MUC5AC: variants seen among roughly 807,000 people sequenced by gnomAD.
MUC5AC encodes mucin 5AC, oligomeric mucus/gel-forming, also known as mucin-5AC.
In MUC5AC, 158 loss-of-function variants were observed where a neutral mutation model predicts 169.7. The ratio of observed to expected loss-of-function variants is 0.93; its 90% CI spans 0.82 to 1.06. MUC5AC has a LOEUF of 1.06. Among genes scored for constraint, MUC5AC ranks in the 50% least tolerant of loss-of-function variants. The probability of loss-of-function intolerance (pLI) is 0.00; values close to 1 mark genes in which losing one functional copy is unlikely to be tolerated. For synonymous variants in MUC5AC, 1,975 were observed against 1,237.0 expected, an observed-to-expected ratio of 1.60 and a Z score of -12.52; for missense variants, 4,359 against 3,089.9, an observed-to-expected ratio of 1.41 and a Z score of -9.74.
intron 17 of MUC5AC, 60 bp from the exon 18 acceptor site, chr11:1,174,822 G>C (rs932566947): frequency 2.3e-6 from 1 of 435,400 alleles, no homozygotes; most frequent in Non-Finnish European, 4.1e-6. Context: ...CTCACTCACT[G>C]CTGGCTGCCC....
At chr11:1,171,976 C>T (rs898593536) in intron 15 of MUC5AC, among the ~76,000 whole-genome samples, 1 of 152,252 alleles carries the variant, frequency 6.6e-6, no homozygotes, top group Non-Finnish European at 1.5e-5. Context: ...CTCACTCACT[C>T]ACTCACTCAG....
intron 6 of MUC5AC, among the ~76,000 whole-genome samples, chr11:1,163,641 G>A (rs1278430849): frequency 6.6e-6 from 1 of 152,124 alleles, no homozygotes; most frequent in Non-Finnish European, 1.5e-5. Context: ...CTGTGGCCCG[G>A]ACACCAACCT....
chr11:1,192,819 A>G lies in MUC5AC; in HGVS notation c.14417A>G (p.His4806Arg), dbSNP rs374882205. The change falls in exon 32 of 49, where the codon CAT becomes CGT. Residue 4806 changes from histidine (H) to arginine (R), a missense_variant. Transcript: ENST00000621226. Reference protein sequence around the residue: ...TIYRHRDLAGHCYYALCSQDC... With the variant: ...TIYRHRDLAGRCYYALCSQDC... ...TACCGCCACAGAGACCTCGCTGGCC[A>G]TTGCTATTATGCCCTGTGTAGCCAG... 1.3e-6 allele frequency: 1 copy of G among 763,494 alleles called. No individual in the cohort carries two copies. The highest frequency in any genetic ancestry group is 2.4e-6 in the Non-Finnish European group (1 of 416,838). 47.3% of individuals were successfully genotyped at this position (763,494 alleles called of 1,614,324 possible).
At chr11:1,196,246 C>T in intron 37 of MUC5AC, 142 bp from the exon 38 acceptor site, 1 of 660,782 alleles carries the variant, frequency 1.5e-6, no homozygotes, top group Non-Finnish European at 2.7e-6. Flanking sequence ...TGGCGGGGCA[C>T]TGGGGTGTGG....
chr11:1,195,543 C>G (rs1302257743), intron 36 of MUC5AC, among the ~76,000 whole-genome samples: 3 of 151,996 alleles, frequency 2.0e-5, no homozygotes, highest in African/African-American at 4.8e-5. Flanking sequence ...GCTGGGCCGT[C>G]TCTGAGGCTC....
intron 4 of MUC5AC, 42 bp from the exon 5 acceptor site, chr11:1,162,483 GTCTCTCC>G: frequency 6.5e-7 from 1 of 1,536,350 alleles, no homozygotes; most frequent in Non-Finnish European, 9.0e-7. Context: ...CCTGCCTGGG[GTCTCTCC>G]TCACTGCGCT....
Position 1,178,677 on chromosome 11 carries a change from C to T in MUC5AC, c.3321C>T (p.His1107=), listed in dbSNP as rs968682053. The change falls in exon 25 of 49, where the codon CAC becomes CAT. Residue 1107 remains histidine (H), a synonymous_variant. Coordinates refer to ENST00000621226, the MANE Select transcript of MUC5AC (RefSeq NM_001304359.2). ...ILHGPTFAAC[H]AHVEPARYYE... ...ACGGCCCCACCTTCGCCGCCTGCCACGCACACGTATGCTGGCCGGGGGGCG... is the reference window on the plus strand; with the variant it reads ...ACGGCCCCACCTTCGCCGCCTGCCATGCACACGTATGCTGGCCGGGGGGCG... 111 of 1,308,136 alleles carry T rather than the reference C, an allele frequency of 8.5e-5. No homozygotes were observed. Among genetic ancestry groups the T allele is most frequent in the Non-Finnish European group, 1.1e-4 (108 of 1,019,940 alleles). The allele number at this position is 1,308,136 out of a possible 1,614,324, so 81.0% of individuals were successfully genotyped here.
Position 1,200,878 on chromosome 11 carries a change from G to A in MUC5AC, c.*176G>A, listed in dbSNP as rs1861413779. 1 of 509,976 alleles carries A rather than the reference G, an allele frequency of 2.0e-6. No homozygotes were observed. The highest frequency in any genetic ancestry group is 1.9e-5 in the African/African-American group (1 of 52,694). The allele number at this position is 509,976 out of a possible 1,614,324, so 31.6% of individuals were successfully genotyped here. On this transcript the variant is annotated 3_prime_UTR_variant, in exon 49 of 49. Transcript: ENST00000621226. ...TATGGGTCACCTGCTGCCTGGAGGA[G>A]GGGCCCTTACCCACCCCGCCTGCAG...
chr11:1,194,075 G>A (rs767516369), intron 33 of MUC5AC, 35 bp from the exon 34 acceptor site: 10 of 759,014 alleles, frequency 1.3e-5, no homozygotes, highest in Admixed American at 5.1e-5. Flanking sequence ...GCCACCACCC[G>A]AGCCACCCGT....
Position 1,161,908 on chromosome 11 carries a change from C to G in MUC5AC, c.213C>G (p.Ala71=). ...PSLRTIPVVR[A]SNPAHNGRVC... is the part of the protein sequence containing the mutation. Reference sequence around the variant, plus strand: ...AACACCATGCTGCTTCCACCGCAGCCTCCAACCCGGCGCACAACGGGCGGG... The same window carrying G: ...AACACCATGCTGCTTCCACCGCAGCGTCCAACCCGGCGCACAACGGGCGGG... Residue 71 remains alanine, a splice_region_variant and synonymous_variant, in exon 4 of 49, where the codon GCC becomes GCG. Transcript: ENST00000621226. 1 of 1,611,218 alleles carries G rather than the reference C, an allele frequency of 6.2e-7. No homozygotes were observed. The highest frequency in any genetic ancestry group is 8.5e-7 in the Non-Finnish European group (1 of 1,179,334).
chr11:1,166,405 C>G (rs542242426), intron 11 of MUC5AC, among the ~76,000 whole-genome samples: 1 of 143,024 alleles, frequency 7.0e-6, no homozygotes, highest in Admixed American at 6.9e-5. Context: ...ACCCTGCACC[C>G]GACACACAGT....
chr11:1,165,737 G>C lies in MUC5AC; in HGVS notation c.1363G>C (p.Asp455His). The part of the protein sequence containing the change: ...FDGKQYTVHG[D>H]CSYVLTKPCD... ...CGGGAAGCAATACACGGTGCACGGC[G>C]ACTGCAGCTATGTGCTGACCAAGGT... is the stretch of plus-strand genomic sequence containing the variant. Residue 455 changes from aspartate (D) to histidine (H), a missense_variant, in exon 11 of 49, where the codon GAC becomes CAC. By Grantham distance (81) the Asp-to-His change is moderately conservative (BLOSUM62 -1). Coordinates refer to ENST00000621226, the MANE Select transcript of MUC5AC (RefSeq NM_001304359.2). 2.5e-6 allele frequency: 4 copies of C among 1,612,266 alleles called. No individual in the cohort carries two copies. The highest frequency in any genetic ancestry group is 3.4e-6 in the Non-Finnish European group (4 of 1,179,730).
At position 1,186,496 on chromosome 11, in the gene MUC5AC, C is replaced by T; in HGVS notation, c.8351C>T (p.Pro2784Leu). ...SATTTSTISAPTTSTTLSPTT... is the reference protein window; with the variant it reads ...SATTTSTISALTTSTTLSPTT... ...ACTACAACCAGCACAATCTCTGCCC[C>T]TACAACCAGCACAACTTTGTCTCCT... Residue 2784 changes from proline (P) to leucine (L), a missense_variant, in exon 31 of 49, where the codon CCT becomes CTT. Physicochemically the swap from Pro to Leu is moderately conservative, Grantham distance 98. Transcript: ENST00000621226. The T allele has an allele frequency of 1.4e-6, 1 of 695,298 alleles. No individual in the cohort carries two copies. The highest frequency in any genetic ancestry group is 2.3e-4 in the Middle Eastern group (1 of 4,334). 43.1% of individuals were successfully genotyped at this position (695,298 alleles called of 1,614,324 possible).
intron 4 of MUC5AC, 68 bp downstream of exon 4, chr11:1,162,236 G>C (rs1860165356): frequency 1.3e-6 from 2 of 1,566,282 alleles, no homozygotes; most frequent in Non-Finnish European, 1.7e-6. Context: ...GTGGTTGCGG[G>C]GTTTCGCGGT....
intron 2 of MUC5AC, 84 bp downstream of exon 2, chr11:1,160,773 T>C: frequency 1.5e-6 from 2 of 1,371,374 alleles, no homozygotes; most frequent in Non-Finnish European, 2.0e-6. Context: ...GCCACTGGTC[T>C]TAGGGTGGCT....
At chr11:1,176,872 C>A in intron 21 of MUC5AC, 56 bp from the exon 22 acceptor site, 1 of 398,698 alleles carries the variant, frequency 2.5e-6, no homozygotes, top group Non-Finnish European at 4.4e-6. Context: ...GAAGGCTGCA[C>A]CCAGTCAGGC....
intron 24 of MUC5AC, among the ~76,000 whole-genome samples, chr11:1,177,848 C>T (rs1359595168): frequency 3.9e-5 from 6 of 152,170 alleles, no homozygotes; most frequent in South Asian, 2.1e-4. Context: ...AGCAAAGGCC[C>T]GCACCCTGGC....
chr11:1,186,622 C>T lies in MUC5AC; in HGVS notation c.8477C>T (p.Thr2826Ile), dbSNP rs1860953400. 1.4e-6 allele frequency: 1 copy of T among 726,214 alleles called. No individual in the cohort carries two copies. Among genetic ancestry groups the T allele is most frequent in the Non-Finnish European group, 2.5e-6 (1 of 398,132 alleles). The allele number at this position is 726,214 out of a possible 1,614,324, so 45.0% of individuals were successfully genotyped here. A position where few individuals can be genotyped will look rare whatever the true frequency, so the allele number is the denominator to read the frequency against. ...ACCAGCACAACTTCGGCTCCTACAA[C>T]CAGCACAACTTCTGGTCCTGGAACT... ...PQTSTTSAPT[T>I]STTSGPGTTS... The change falls in exon 31 of 49, where the codon ACC becomes ATC. Residue 2826 changes from threonine to isoleucine, a missense_variant. Thr to Ile is a moderately conservative substitution (Grantham distance 89). Coordinates refer to ENST00000621226, the MANE Select transcript of MUC5AC (RefSeq NM_001304359.2).
intron 1 of MUC5AC, 77 bp from the exon 2 acceptor site, chr11:1,160,535 A>G (rs1035198074): frequency 1.5e-6 from 2 of 1,292,780 alleles, no homozygotes; most frequent in Non-Finnish European, 2.2e-6. Context: ...TCTGGTGTCC[A>G]TGCTGCATCT....
Sources: gnomAD v4.1 joint callset for allele counts (sites outside exome capture counted in the v4.1 genomes callset) on GRCh38, gnomAD v4.1.1 for gene constraint, MANE v1.5 for transcripts, NCBI Gene and HGNC (gene_info 2026-07-23, HGNC 2026-07-21) for gene names.